The following DGKB variants were observed in gnomAD, a reference collection of about 807,000 sequenced individuals.
DGKB encodes the protein 90 kDa diacylglycerol kinase.
DGKB carries 67 observed loss-of-function variants against 114.3 expected under a neutral mutation model. The ratio of observed to expected loss-of-function variants is 0.59; its 90% CI spans 0.48 to 0.72. DGKB has a LOEUF of 0.72. Ranked by LOEUF, DGKB falls within the 30% of genes least tolerant of loss-of-function variation. The probability of loss-of-function intolerance (pLI) is 0.00; values close to 1 mark genes in which losing one functional copy is unlikely to be tolerated. For missense variants in DGKB, 907 were observed against 975.2 expected, an observed-to-expected ratio of 0.93 and a Z score of 0.93; for synonymous variants, 398 against 323.1, an observed-to-expected ratio of 1.23 and a Z score of -2.49.
intron 13 of DGKB, among the ~76,000 whole-genome samples, chr7:14,639,153 G>A (rs967781896): frequency 6.6e-6 from 1 of 152,140 alleles, no homozygotes; most frequent in African/African-American, 2.4e-5. Context: ...CATGGTAGCT[G>A]TAGCTCTGGA....
chr7:14,719,809 A>C (rs923795771), intron 5 of DGKB, among the ~76,000 whole-genome samples: 1 of 152,222 alleles, frequency 6.6e-6, no homozygotes, highest in Admixed American at 6.5e-5. Flanking sequence ...GTCACTAATA[A>C]AGGGAACTAT....
intron 20 of DGKB, among the ~76,000 whole-genome samples, chr7:14,544,114 G>C (rs2128625887): frequency 6.6e-6 from 1 of 152,198 alleles, no homozygotes; most frequent in East Asian, 1.9e-4. Context: ...ATAGATATAA[G>C]ACAATCATTT....
At chr7:14,778,210 C>A (rs1235960437) in intron 2 of DGKB, among the ~76,000 whole-genome samples, 2 of 152,092 alleles carry the variant, frequency 1.3e-5, no homozygotes, top group African/African-American at 4.8e-5. Context: ...GCAAGTGGGG[C>A]AAATACATTC....
chr7:14,689,979 A>C (rs1392409863), intron 9 of DGKB, among the ~76,000 whole-genome samples: 1 of 152,206 alleles, frequency 6.6e-6, no homozygotes, highest in Admixed American at 6.5e-5. Context: ...TTTGGCACAC[A>C]TATAGTGAGA....
intron 2 of DGKB, among the ~76,000 whole-genome samples, chr7:14,818,886 A>G (rs1052437796): frequency 3.3e-5 from 5 of 152,216 alleles, no homozygotes; most frequent in African/African-American, 9.6e-5. Flanking sequence ...GTTATGTGGA[A>G]GCACCGAGGT....
intron 21 of DGKB, among the ~76,000 whole-genome samples, chr7:14,363,799 C>T (rs1482075669): frequency 6.6e-6 from 1 of 152,008 alleles, no homozygotes; most frequent in Admixed American, 6.6e-5. Flanking sequence ...TCAGCAGAGG[C>T]AGTGCTTAAA....
intron 21 of DGKB, among the ~76,000 whole-genome samples, chr7:14,358,396 T>G (rs1217004877): frequency 6.6e-6 from 1 of 152,204 alleles, no homozygotes; most frequent in Non-Finnish European, 1.5e-5. Context: ...TTGAAGCTTG[T>G]GCATGCCTCA....
intron 20 of DGKB, among the ~76,000 whole-genome samples, chr7:14,529,176 A>G (rs1791141978): frequency 6.6e-6 from 1 of 152,042 alleles, no homozygotes; most frequent in Admixed American, 6.6e-5. Context: ...ACTTTAAATT[A>G]GAAAAGGAGA....
chr7:14,942,924 G>C (rs1785651085), intron 1 of DGKB, among the ~76,000 whole-genome samples: 1 of 151,092 alleles, frequency 6.6e-6, no homozygotes, highest in Non-Finnish European at 1.5e-5. Flanking sequence ...CATTATATGT[G>C]ATTTTTTTTT....
intron 20 of DGKB, among the ~76,000 whole-genome samples, chr7:14,530,841 T>G (rs911967786): frequency 4.6e-5 from 7 of 151,608 alleles, no homozygotes; most frequent in Non-Finnish European, 1.0e-4. Flanking sequence ...TAGCAGAAAA[T>G]GTCATGAATG....
At chr7:14,259,229 ATTG>A (rs1796372740) in intron 23 of DGKB, among the ~76,000 whole-genome samples, 2 of 152,292 alleles carry the variant, frequency 1.3e-5, no homozygotes, top group South Asian at 4.1e-4. Context: ...ATGTGTAGAA[ATTG>A]TTGACATAAA....
intron 24 of DGKB, 49 bp downstream of exon 24, chr7:14,177,982 G>C: frequency 6.7e-7 from 1 of 1,490,992 alleles, no homozygotes; most frequent in Non-Finnish European, 8.9e-7. Context: ...TAATTAGTTT[G>C]AGGCTATGCC....
At chr7:14,936,638 A>G (rs1785284765) in intron 1 of DGKB, among the ~76,000 whole-genome samples, 1 of 152,168 alleles carries the variant, frequency 6.6e-6, no homozygotes, top group African/African-American at 2.4e-5. Flanking sequence ...TCAGGATTGC[A>G]GGGAAACACA....
intron 1 of DGKB, among the ~76,000 whole-genome samples, chr7:14,867,121 A>T (rs1851811790): frequency 6.6e-6 from 1 of 152,272 alleles, no homozygotes; most frequent in African/African-American, 2.4e-5. Flanking sequence ...TGTAATTTGG[A>T]TAAAAGTCCT....
At chr7:14,738,262 G>A (rs938321711) in intron 4 of DGKB, among the ~76,000 whole-genome samples, 6 of 152,230 alleles carry the variant, frequency 3.9e-5, no homozygotes, top group African/African-American at 1.4e-4. Flanking sequence ...AAAGTTGCAG[G>A]AAGTCTGTGG....
chr7:14,712,313 A>C (rs2128336860), intron 6 of DGKB, among the ~76,000 whole-genome samples: 1 of 152,360 alleles, frequency 6.6e-6, no homozygotes, highest in South Asian at 2.1e-4. Flanking sequence ...AAAGAGAACA[A>C]CTAAAATAAA....
At position 14,279,213 on chromosome 7, in the gene DGKB, C is replaced by A. The variant is rs149230843; in HGVS notation, c.2122+59302G>T. 4.0e-5 allele frequency among the ~76,000 whole-genome samples: 6 copies of A among 151,346 alleles called. No homozygotes were observed. The East Asian group carries it at 5.9e-4, about 15-fold the overall frequency. ...GCGCACCACGAGATTATATCCCGCA[C>A]GTGGCTCGGAGGGTCCTACCCCCAC... On this transcript the variant is annotated intron_variant, in intron 23 of 25. Transcript: ENST00000402815.
At chr7:14,872,510 A>G (rs2191345) in intron 1 of DGKB, among the ~76,000 whole-genome samples, 115,620 of 152,130 alleles carry the variant, frequency 0.76, 44,288 homozygotes, top group Admixed American at 0.82. Flanking sequence ...TGCACTCTCT[A>G]TGCTTAACGT....
intron 12 of DGKB, among the ~76,000 whole-genome samples, chr7:14,677,526 T>C (rs1026966417): frequency 6.6e-6 from 1 of 152,032 alleles, no homozygotes; most frequent in Non-Finnish European, 1.5e-5. Flanking sequence ...CTCTATATCA[T>C]AGCAAAAGTT....
Sources: gnomAD v4.1 joint callset for allele counts (sites outside exome capture counted in the v4.1 genomes callset) on GRCh38, gnomAD v4.1.1 for gene constraint, MANE v1.5 for transcripts, NCBI Gene and HGNC (gene_info 2026-07-23, HGNC 2026-07-21) for gene names.